Variants in TMEM117 observed in about 807,000 individuals in gnomAD.
The protein encoded by TMEM117 is transmembrane protein 117.
A neutral mutation model predicts 52.4 loss-of-function variants in TMEM117; 27 were observed. That is an observed-to-expected ratio of 0.51 (90% confidence interval 0.38 to 0.71). The LOEUF (loss-of-function observed/expected upper bound fraction) is 0.71, where lower values mean the gene tolerates loss of function less well. TMEM117 is among the 30% of genes least tolerant of loss of function. The probability of loss-of-function intolerance (pLI) is 0.00; values close to 1 mark genes in which losing one functional copy is unlikely to be tolerated. For synonymous variants in TMEM117, 215 were observed against 206.3 expected, an observed-to-expected ratio of 1.04 and a Z score of -0.36; for missense variants, 556 against 630.5, an observed-to-expected ratio of 0.88 and a Z score of 1.26.
chr12:44,056,848 T>C (rs1348548453), intron 3 of TMEM117, among the ~76,000 whole-genome samples: 1 of 152,170 alleles, frequency 6.6e-6, no homozygotes, highest in Non-Finnish European at 1.5e-5. Flanking sequence ...TGGGACAGGC[T>C]ATATTATTAC....
intron 2 of TMEM117, among the ~76,000 whole-genome samples, chr12:43,937,740 T>C (rs1384847049): frequency 2.0e-5 from 3 of 152,172 alleles, no homozygotes; most frequent in Non-Finnish European, 2.9e-5. Context: ...ATAGCCTTTT[T>C]TTTTAAAATC....
chr12:43,867,547 TA>T (rs1358850548), intron 2 of TMEM117, among the ~76,000 whole-genome samples: 5 of 152,280 alleles, frequency 3.3e-5, no homozygotes, highest in African/African-American at 1.2e-4. Context: ...AGACTGAATT[TA>T]AAAAGTTTGA....
At chr12:43,958,809 T>C (rs1473117302) in intron 3 of TMEM117, among the ~76,000 whole-genome samples, 1 of 151,536 alleles carries the variant, frequency 6.6e-6, no homozygotes, top group African/African-American at 2.4e-5. Context: ...TTTTGTTAGT[T>C]TGTTTGTTTG....
At chr12:44,035,786 G>T (rs1946701055) in intron 3 of TMEM117, among the ~76,000 whole-genome samples, 1 of 152,156 alleles carries the variant, frequency 6.6e-6, no homozygotes, top group African/African-American at 2.4e-5. Flanking sequence ...ATAACAAATT[G>T]ATGTGAGGTT....
chr12:44,050,763 C>T (rs1472194750), intron 3 of TMEM117, among the ~76,000 whole-genome samples: 1 of 152,192 alleles, frequency 6.6e-6, no homozygotes, highest in African/African-American at 2.4e-5. Flanking sequence ...ATTTCTTAAA[C>T]CATTTTTGTC....
chr12:43,946,388 TTTTTTTGTTTG>T (rs922118705), intron 3 of TMEM117, among the ~76,000 whole-genome samples: 29 of 22,314 alleles, frequency 1.3e-3, no homozygotes, highest in African/African-American at 2.0e-3. Context: ...GTTTTTTTTT[TTTTTTTGTTTG>T]TTTTTTTATC....
intron 3 of TMEM117, among the ~76,000 whole-genome samples, chr12:43,963,152 T>G (rs552089195): frequency 6.6e-6 from 1 of 151,234 alleles, no homozygotes; most frequent in African/African-American, 2.4e-5. Flanking sequence ...CAGCTACATA[T>G]GCATATTCTG....
chr12:44,156,128 C>T (rs1453507266), intron 4 of TMEM117, among the ~76,000 whole-genome samples: 1 of 152,070 alleles, frequency 6.6e-6, no homozygotes. Context: ...TTCATAATAA[C>T]ACTTACTGAA....
intron 3 of TMEM117, among the ~76,000 whole-genome samples, chr12:44,076,760 T>C (rs1295455929): frequency 6.6e-6 from 1 of 152,198 alleles, no homozygotes; most frequent in African/African-American, 2.4e-5. Flanking sequence ...ATAATAAATA[T>C]AGCCCTTTGA....
intron 5 of TMEM117, among the ~76,000 whole-genome samples, chr12:44,227,819 A>T (rs946513854): frequency 3.9e-5 from 6 of 152,046 alleles, no homozygotes; most frequent in African/African-American, 9.7e-5. Flanking sequence ...TCACATGTTG[A>T]TCTCCTCAAG....
intron 3 of TMEM117, among the ~76,000 whole-genome samples, chr12:44,019,686 G>A (rs1293541729): frequency 3.9e-5 from 6 of 152,198 alleles, no homozygotes; most frequent in African/African-American, 1.4e-4. Flanking sequence ...ATTAATCAGT[G>A]TAAATATGTG....
At chr12:43,925,048 T>G (rs1267688809) in intron 2 of TMEM117, among the ~76,000 whole-genome samples, 1 of 152,122 alleles carries the variant, frequency 6.6e-6, no homozygotes, top group African/African-American at 2.4e-5. Flanking sequence ...AAGTGGAATT[T>G]TTCATAGGGC....
At chr12:44,096,890 T>C (rs1041117796) in intron 3 of TMEM117, among the ~76,000 whole-genome samples, 14 of 151,262 alleles carry the variant, frequency 9.3e-5, no homozygotes, top group Non-Finnish European at 1.3e-4. Flanking sequence ...CAAGAGCTTC[T>C]GCACAGCAAA....
chr12:44,071,945 C>G (rs1182914568), intron 3 of TMEM117, among the ~76,000 whole-genome samples: 1 of 152,138 alleles, frequency 6.6e-6, no homozygotes, highest in Non-Finnish European at 1.5e-5. Flanking sequence ...AGTAAGCATC[C>G]AGGCTTCTTT....
chr12:43,797,787 C>G, the TMEM117 span: 1 of 1,613,288 alleles, frequency 6.2e-7, no homozygotes, highest in Non-Finnish European at 8.5e-7. Flanking sequence ...AAATGCTACT[C>G]CTTGTAGTGT....
intron 4 of TMEM117, among the ~76,000 whole-genome samples, chr12:44,204,015 A>G (rs1045458123): frequency 1.3e-5 from 2 of 152,110 alleles, no homozygotes; most frequent in Admixed American, 6.6e-5. Context: ...GGAACAAGAC[A>G]AGGATACCCA....
At chr12:43,926,719 C>A (rs569744109) in intron 2 of TMEM117, among the ~76,000 whole-genome samples, 6 of 152,146 alleles carry the variant, frequency 3.9e-5, no homozygotes, top group African/African-American at 1.4e-4. Context: ...CTTCTTTAAT[C>A]ATTTTGGCAA....
chr12:44,250,529 A>T (rs190631265), intron 5 of TMEM117, among the ~76,000 whole-genome samples: 1 of 152,226 alleles, frequency 6.6e-6, no homozygotes, highest in East Asian at 1.9e-4. Flanking sequence ...CTATAAAGAC[A>T]CATGCACACA....
chr12:44,176,688 C>T (rs1287046248), intron 4 of TMEM117, among the ~76,000 whole-genome samples: 1 of 152,068 alleles, frequency 6.6e-6, no homozygotes, highest in Non-Finnish European at 1.5e-5. Flanking sequence ...TTTAGTTAAA[C>T]CAAAAGGAAA....
Sources: gnomAD v4.1 joint callset for allele counts (sites outside exome capture counted in the v4.1 genomes callset) on GRCh38, gnomAD v4.1.1 for gene constraint, MANE v1.5 for transcripts, NCBI Gene and HGNC (gene_info 2026-07-23, HGNC 2026-07-21) for gene names.